RASGRF2: variants seen among roughly 807,000 people sequenced by gnomAD.
RASGRF2 encodes the protein ras-specific guanine nucleotide-releasing factor 2.
A neutral mutation model predicts 151.0 loss-of-function variants in RASGRF2; 76 were observed. The ratio of observed to expected loss-of-function variants is 0.50; its 90% CI spans 0.42 to 0.61. The LOEUF (loss-of-function observed/expected upper bound fraction) is 0.61. Among genes scored for constraint, RASGRF2 ranks in the 20% least tolerant of loss-of-function variants. The pLI, the probability that RASGRF2 is intolerant of heterozygous loss-of-function variation, is 0.00. For synonymous variants in RASGRF2, 504 were observed against 566.5 expected, an observed-to-expected ratio of 0.89 and a Z score of 1.57; for missense variants, 1,148 against 1,564.6, an observed-to-expected ratio of 0.73 and a Z score of 4.49.
chr5:81,123,815 C>A, intron 16 of RASGRF2, 48 bp downstream of exon 16: 1 of 1,571,348 alleles, frequency 6.4e-7, no homozygotes, highest in Non-Finnish European at 8.7e-7. Context: ...AAAATGATTT[C>A]TAGCTTCTGA....
At chr5:81,070,696 A>G (rs143849437) in intron 4 of RASGRF2, 115 bp downstream of exon 4, 8 of 821,584 alleles carry the variant, frequency 9.7e-6, no homozygotes, top group African/African-American at 5.2e-5. Context: ...TTTCTGGGCT[A>G]TGGCTCCCAG....
At chr5:81,165,217 A>G (rs1754478762) in intron 17 of RASGRF2, among the ~76,000 whole-genome samples, 1 of 152,184 alleles carries the variant, frequency 6.6e-6, no homozygotes, top group Admixed American at 6.5e-5. Flanking sequence ...GGAGATGGGA[A>G]GAGAAGTGTG....
At chr5:80,988,994 T>G (rs1000053125) in intron 1 of RASGRF2, among the ~76,000 whole-genome samples, 5 of 152,110 alleles carry the variant, frequency 3.3e-5, no homozygotes, top group African/African-American at 1.2e-4. Context: ...TTTTTTTTTT[T>G]TTAGACAGAG....
intron 1 of RASGRF2, chr5:81,019,678 C>T (rs1331963583): frequency 6.6e-6 from 1 of 152,112 alleles, no homozygotes; most frequent in African/African-American, 2.4e-5. Flanking sequence ...TATTTTTCTG[C>T]TGTATGCTTT....
chr5:81,062,095 G>A (rs142632036), intron 2 of RASGRF2, among the ~76,000 whole-genome samples: 2 of 151,408 alleles, frequency 1.3e-5, no homozygotes, highest in African/African-American at 4.9e-5. Context: ...TCTCACCTCA[G>A]CTTCCCAAAG....
At chr5:81,078,228 A>G (rs1751992513) in intron 5 of RASGRF2, among the ~76,000 whole-genome samples, 1 of 152,214 alleles carries the variant, frequency 6.6e-6, no homozygotes, top group Non-Finnish European at 1.5e-5. Context: ...CGTCACCTCA[A>G]ACATTTATCA....
chr5:81,206,745 C>T, intron 19 of RASGRF2, 100 bp from the exon 20 acceptor site: 1 of 988,682 alleles, frequency 1.0e-6, no homozygotes, highest in Non-Finnish European at 1.6e-6. Flanking sequence ...GACCCAAATC[C>T]TCAGACCTCC....
intron 12 of RASGRF2, among the ~76,000 whole-genome samples, chr5:81,099,907 C>CTTTTTT (rs577876645): frequency 2.1e-4 from 26 of 125,022 alleles, no homozygotes; most frequent in Non-Finnish European, 3.0e-4. Flanking sequence ...TTTCTTTTTT[C>CTTTTTT]TTTTTTTTTT....
intron 17 of RASGRF2, among the ~76,000 whole-genome samples, chr5:81,132,374 T>C (rs897709770): frequency 2.6e-5 from 4 of 152,200 alleles, no homozygotes; most frequent in African/African-American, 9.7e-5. Flanking sequence ...TTGTTTGTTG[T>C]TGTTGTTATT....
intron 17 of RASGRF2, among the ~76,000 whole-genome samples, chr5:81,130,185 C>T (rs374495647): frequency 2.0e-5 from 3 of 152,204 alleles, no homozygotes; most frequent in Non-Finnish European, 2.9e-5. Flanking sequence ...GAGGGCAGAA[C>T]GGACTTGCTA....
In RASGRF2 at chr5:81,228,665, A is replaced by C. The variant is rs987527378; in HGVS notation, c.*2895A>C. ...TGTACTGTCAACGAAATTATCTTGG[A>C]GCTTTTAGGGGATGCCTTTTCGTTA... On this transcript the variant is annotated 3_prime_UTR_variant, in exon 27 of 27. Transcript: ENST00000265080. 6.6e-6 allele frequency: 1 copy of C among 152,184 alleles called. No individual in the cohort carries two copies. The highest frequency in any genetic ancestry group is 2.4e-5 in the African/African-American group (1 of 41,430). 9.4% of individuals were successfully genotyped at this position (152,184 alleles called of 1,614,324 possible).
intron 19 of RASGRF2, among the ~76,000 whole-genome samples, chr5:81,206,384 C>T (rs1176465338): frequency 1.3e-5 from 2 of 152,138 alleles, no homozygotes; most frequent in Admixed American, 6.5e-5. Flanking sequence ...TTCTGGTCTA[C>T]GTAAGCTTGA....
chr5:81,098,214 G>C (rs941371437), intron 12 of RASGRF2, among the ~76,000 whole-genome samples: 1 of 152,210 alleles, frequency 6.6e-6, no homozygotes, highest in Non-Finnish European at 1.5e-5. Flanking sequence ...GAAGGATGGA[G>C]TTGTCATTAC....
chr5:81,012,957 CAG>C (rs781180326), intron 1 of RASGRF2, among the ~76,000 whole-genome samples: 2 of 152,052 alleles, frequency 1.3e-5, no homozygotes, highest in Non-Finnish European at 2.9e-5. Flanking sequence ...TGGCTGGAAT[CAG>C]GGGATTGGAA....
chr5:81,197,488 G>C (rs983395472), intron 18 of RASGRF2, among the ~76,000 whole-genome samples: 10 of 73,518 alleles, frequency 1.4e-4, no homozygotes, highest in African/African-American at 5.0e-4. Context: ...AAAAAAAAAA[G>C]TAAAATATTG....
At chr5:81,190,089 C>T (rs981859462) in intron 18 of RASGRF2, among the ~76,000 whole-genome samples, 6 of 152,286 alleles carry the variant, frequency 3.9e-5, no homozygotes, top group Admixed American at 1.3e-4. Context: ...TCAGCCTCTG[C>T]GTATCTCAGC....
chr5:81,072,465 A>G (rs1751807033), intron 4 of RASGRF2, among the ~76,000 whole-genome samples: 1 of 152,214 alleles, frequency 6.6e-6, no homozygotes, highest in Admixed American at 6.5e-5. Flanking sequence ...GATAATAATG[A>G]TACTTTGGTA....
At chr5:81,001,556 A>G (rs1013982213) in intron 1 of RASGRF2, among the ~76,000 whole-genome samples, 4 of 152,068 alleles carry the variant, frequency 2.6e-5, no homozygotes, top group Admixed American at 2.0e-4. Flanking sequence ...CACTCTTGAG[A>G]GTCAAGTGTT....
At chr5:80,993,689 A>G (rs1236925399) in intron 1 of RASGRF2, among the ~76,000 whole-genome samples, 1 of 152,220 alleles carries the variant, frequency 6.6e-6, no homozygotes, top group East Asian at 1.9e-4. Flanking sequence ...GTAGGCCTGA[A>G]GGCAAGAGGG....
Sources: allele counts gnomAD v4.1 joint callset (sites outside exome capture counted in the v4.1 genomes callset), GRCh38; gene constraint gnomAD v4.1.1; transcripts MANE v1.5; gene names NCBI Gene and HGNC (gene_info 2026-07-23, HGNC 2026-07-21).